The following VPS13D variants were observed in gnomAD, a reference collection of about 807,000 sequenced individuals.
VPS13D encodes the protein intermembrane lipid transfer protein VPS13D.
VPS13D carries 187 observed loss-of-function variants against 461.9 expected under a neutral mutation model. That is an observed-to-expected ratio of 0.40 (90% CI 0.36 to 0.46). The LOEUF (loss-of-function observed/expected upper bound fraction) is 0.46. Among genes scored for constraint, VPS13D ranks in the 20% least tolerant of loss-of-function variants. The pLI is 0.60. For missense variants in VPS13D, 4,711 were observed against 5,364.9 expected (o/e 0.88, Z 3.81); for synonymous variants, 1,951 against 1,986.3 (o/e 0.98, Z 0.47).
chr1:12,479,430 C>T (rs919252521), intron 67 of VPS13D, among the ~76,000 whole-genome samples: 2 of 152,210 alleles, frequency 1.3e-5, no homozygotes, highest in Non-Finnish European at 2.9e-5. Flanking sequence ...GACACCTGCT[C>T]GGGATGACAG....
intron 67 of VPS13D, among the ~76,000 whole-genome samples, chr1:12,474,491 T>TAA (rs76385525): frequency 6.9e-6 from 1 of 145,440 alleles, no homozygotes; most frequent in Admixed American, 6.9e-5. Flanking sequence ...CTAGGTCTGT[T>TAA]AAAAAAAAAA....
At chr1:12,384,715 G>A (rs1358479098) in intron 58 of VPS13D, among the ~76,000 whole-genome samples, 1 of 152,036 alleles carries the variant, frequency 6.6e-6, no homozygotes, top group African/African-American at 2.4e-5. Context: ...GAACTCCTGG[G>A]CTCAGGTGAT....
At chr1:12,467,977 G>A (rs1557458117) in intron 67 of VPS13D, among the ~76,000 whole-genome samples, 1 of 151,876 alleles carries the variant, frequency 6.6e-6, no homozygotes, top group African/African-American at 2.4e-5. Context: ...TCCAGTCCTT[G>A]CATCTCAACC....
chr1:12,234,482 TA>T, intron 2 of VPS13D, 119 bp downstream of exon 2: 3 of 684,266 alleles, frequency 4.4e-6, no homozygotes, highest in Non-Finnish European at 2.4e-6. Flanking sequence ...TAAATGTATG[TA>T]AAAAGGTCCC....
chr1:12,493,710 C>G (rs1645919331), intron 67 of VPS13D, among the ~76,000 whole-genome samples: 1 of 152,170 alleles, frequency 6.6e-6, no homozygotes, highest in South Asian at 2.1e-4. Flanking sequence ...GGCTGAAGAA[C>G]TTCACTTTAA....
chr1:12,368,321 T>C (rs1211713173), intron 52 of VPS13D, 147 bp from the exon 53 acceptor site: 1 of 925,882 alleles, frequency 1.1e-6, no homozygotes, highest in African/African-American at 1.7e-5. Flanking sequence ...TTTTTTCAGA[T>C]GATGGAGGAA....
At chr1:12,467,285 C>T (rs550562567) in intron 67 of VPS13D, among the ~76,000 whole-genome samples, 3 of 152,322 alleles carry the variant, frequency 2.0e-5, no homozygotes, top group Admixed American at 2.0e-4. Flanking sequence ...AGTTCTCCTG[C>T]CTCAGCCTCC....
At chr1:12,476,878 A>G (rs1039226775) in intron 67 of VPS13D, among the ~76,000 whole-genome samples, 4 of 152,226 alleles carry the variant, frequency 2.6e-5, no homozygotes, top group African/African-American at 9.6e-5. Context: ...CACAGTAGAC[A>G]AGGAAACCTT....
At chr1:12,292,607 T>C (rs1447694316) in intron 23 of VPS13D, among the ~76,000 whole-genome samples, 2 of 151,908 alleles carry the variant, frequency 1.3e-5, no homozygotes, top group Non-Finnish European at 2.9e-5. Flanking sequence ...ACCCGGCTAA[T>C]TTTTTGTATT....
chr1:12,357,936 G>A (rs890036144), intron 49 of VPS13D, among the ~76,000 whole-genome samples: 15 of 116,172 alleles, frequency 1.3e-4, no homozygotes, highest in Admixed American at 1.6e-4. Context: ...CCTGGGAGGC[G>A]GAGGTTGCAG....
At chr1:12,485,772 C>T (rs1401698836) in intron 67 of VPS13D, among the ~76,000 whole-genome samples, 1 of 152,172 alleles carries the variant, frequency 6.6e-6, no homozygotes, top group Non-Finnish European at 1.5e-5. Flanking sequence ...TGGACTATGA[C>T]AATCAGTCCA....
intron 67 of VPS13D, among the ~76,000 whole-genome samples, chr1:12,466,308 A>G (rs1645482590): frequency 6.6e-6 from 1 of 152,188 alleles, no homozygotes; most frequent in African/African-American, 2.4e-5. Context: ...CCTTTAGGGA[A>G]CTTCCAAAGG....
rs1643492880 is a variant in VPS13D, at chr1:12,338,264, C to T, written c.8585C>T (p.Thr2862Ile). The change falls in exon 40 of 70, where the codon ACA becomes ATA. Residue 2862 changes from threonine (T) to isoleucine (I), a missense_variant. Physicochemically the swap from Thr to Ile is moderately conservative, Grantham distance 89. This residue lies in a region of VPS13D where 4,411 missense variants were observed against 4,937.8 expected (regional missense o/e 0.89). Coordinates refer to ENST00000620676, the MANE Select transcript of VPS13D (RefSeq NM_015378.4). ...LPLVYLRTRS[T>I]ASLTNLEHQI... Reference sequence around the variant, plus strand: ...CTTGTCTACCTTAGAACTAGGAGTACAGCCAGTCTGACTAACCTAGAGCAC... The same window carrying T: ...CTTGTCTACCTTAGAACTAGGAGTATAGCCAGTCTGACTAACCTAGAGCAC... 1.9e-6 allele frequency: 3 copies of T among 1,613,764 alleles called. No homozygotes were observed. The highest frequency in any genetic ancestry group is 1.3e-5 in the African/African-American group (1 of 75,036).
intron 50 of VPS13D, among the ~76,000 whole-genome samples, chr1:12,361,740 T>G (rs1295080653): frequency 1.3e-5 from 2 of 152,144 alleles, no homozygotes; most frequent in Non-Finnish European, 2.9e-5. Context: ...TTTAAGATAT[T>G]TCAGTGCTTT....
intron 19 of VPS13D, among the ~76,000 whole-genome samples, chr1:12,278,275 T>C (rs1487687841): frequency 6.6e-6 from 1 of 152,194 alleles, no homozygotes; most frequent in Non-Finnish European, 1.5e-5. Context: ...TATTTTTATT[T>C]TTTTGGTTTT....
In VPS13D at chr1:12,283,188, A is replaced by G; in HGVS notation, c.5086A>G (p.Lys1696Glu). The G allele has an allele frequency of 6.2e-7, 1 of 1,614,150 alleles. No individual in the cohort carries two copies. Among genetic ancestry groups the G allele is most frequent in the Non-Finnish European group, 8.5e-7 (1 of 1,180,016 alleles). The change falls in exon 21 of 70, where the codon AAG (lysine) becomes GAG (glutamate). Residue 1696 changes from lysine (K) to glutamate (E), a missense_variant. Coordinates refer to ENST00000620676, the MANE Select transcript of VPS13D (RefSeq NM_015378.4). The stretch of plus-strand genomic sequence containing the variant: ...CCTGATGGTGTCTCGAGGAGCCCCT[A>G]AGCCATCTAGTTTAGCACAAAAAGA... ...KNLMVSRGAPKPSSLAQKEYL... is the reference protein window; with the variant it reads ...KNLMVSRGAPEPSSLAQKEYL...
At chr1:12,371,071 A>G (rs77442248) in intron 54 of VPS13D, among the ~76,000 whole-genome samples, 2,918 of 152,354 alleles carry the variant, frequency 0.019, 114 homozygotes, top group Admixed American at 0.1. Flanking sequence ...GAGGTGAAAC[A>G]TAACATAAAA....
chr1:12,400,108 C>T (rs1385659164), intron 60 of VPS13D, 73 bp from the exon 61 acceptor site: 28 of 1,554,994 alleles, frequency 1.8e-5, no homozygotes, highest in East Asian at 1.4e-4. Context: ...TGAGGCCCCA[C>T]TCAAGCGTAA....
Position 12,506,958 on chromosome 1 carries a change from A to G in VPS13D, c.12900A>G (p.Leu4300=). ...ACGTGGATCGAGAAGCCATTTTCCT[A>G]GAAGTCAAATACGATGACCTCTACC... The part of the protein sequence containing the change: ...GDYVDREAIF[L]EVKYDDLYHC... Residue 4300 remains leucine (L), a synonymous_variant, in exon 69 of 70, where the codon CTA becomes CTG. Coordinates refer to ENST00000620676, the MANE Select transcript of VPS13D (RefSeq NM_015378.4). 2 of 1,614,252 alleles carry G rather than the reference A, an allele frequency of 1.2e-6. No individual in the cohort carries two copies. The highest frequency in any genetic ancestry group is 1.7e-6 in the Non-Finnish European group (2 of 1,180,046).
Sources: allele counts gnomAD v4.1 joint callset (sites outside exome capture counted in the v4.1 genomes callset), GRCh38; gene constraint gnomAD v4.1.1; regional missense constraint gnomAD v4.1.1; transcripts MANE v1.5; gene names NCBI Gene and HGNC (gene_info 2026-07-23, HGNC 2026-07-21).